Variants in TENM3 observed in about 807,000 individuals in gnomAD.
TENM3 encodes the protein teneurin-3.
A neutral mutation model predicts 255.1 loss-of-function variants in TENM3; 63 were observed. The ratio of observed to expected loss-of-function variants is 0.25; its 90% CI spans 0.20 to 0.30. TENM3 has a LOEUF of 0.30. Among genes scored for constraint, TENM3 ranks in the 10% least tolerant of loss-of-function variants. The pLI is 1.00. For missense variants in TENM3, 2,929 were observed against 3,461.1 expected (o/e 0.85, Z 3.86); for synonymous variants, 1,306 against 1,322.3 (o/e 0.99, Z 0.27).
the TENM3 span, among the ~76,000 whole-genome samples, chr4:181,894,733 GA>G: frequency 0.21 from 29,348 of 137,136 alleles, 3,820 homozygotes; most frequent in East Asian, 0.46. Context: ...GTCAGTGGCA[GA>G]AAAAAAAAAA....
chr4:181,591,339 T>A, the TENM3 span, among the ~76,000 whole-genome samples: 3 of 152,234 alleles, frequency 2.0e-5, no homozygotes, highest in African/African-American at 7.2e-5. Flanking sequence ...ATTGAAAATA[T>A]ACCAAGTCTA....
At chr4:182,775,259 G>T in intron 24 of TENM3, 106 bp downstream of exon 24, 1 of 955,758 alleles carries the variant, frequency 1.0e-6, no homozygotes, top group East Asian at 2.6e-5. Context: ...TCTACACTGA[G>T]TATGAGCACC....
the TENM3 span, among the ~76,000 whole-genome samples, chr4:182,011,610 A>G: frequency 0.19 from 28,200 of 152,206 alleles, 2,958 homozygotes; most frequent in Non-Finnish European, 0.25. Context: ...GTAGAATCCA[A>G]TCCCTGCCCA....
chr4:181,528,952 A>G, the TENM3 span, among the ~76,000 whole-genome samples: 9 of 152,338 alleles, frequency 5.9e-5, no homozygotes, highest in African/African-American at 2.2e-4. Context: ...ATATAAATAT[A>G]TGTCTATATT....
chr4:182,402,808 A>G (rs75396280), intron 3 of TENM3, among the ~76,000 whole-genome samples: 1,759 of 152,288 alleles, frequency 0.012, 14 homozygotes, highest in Non-Finnish European at 0.018. Flanking sequence ...TGTTAGCTAT[A>G]TGGTGTTGGA....
At chr4:182,186,762 C>CACATAT (rs1753177281) in intron 1 of TENM3, among the ~76,000 whole-genome samples, 6 of 27,496 alleles carry the variant, frequency 2.2e-4, no homozygotes, top group African/African-American at 7.6e-4. Context: ...ACTAATGCAT[C>CACATAT]ATATATATAT....
At chr4:181,536,860 G>C in the TENM3 span, among the ~76,000 whole-genome samples, 1,154 of 152,222 alleles carry the variant, frequency 7.6e-3, 15 homozygotes, top group African/African-American at 0.025. Context: ...TGAAAGTGTA[G>C]TATTAATTTG....
chr4:181,515,794 A>G, the TENM3 span, among the ~76,000 whole-genome samples: 1 of 152,170 alleles, frequency 6.6e-6, no homozygotes, highest in Non-Finnish European at 1.5e-5. Flanking sequence ...ATAAAGAAAG[A>G]GCTAAGATCT....
chr4:182,727,789 G>A (rs953378649), intron 13 of TENM3, among the ~76,000 whole-genome samples: 1 of 151,746 alleles, frequency 6.6e-6, no homozygotes. Context: ...GTGTATTCTA[G>A]GAGTCCAGGC....
chr4:182,035,707 A>G, the TENM3 span, among the ~76,000 whole-genome samples: 1 of 152,194 alleles, frequency 6.6e-6, no homozygotes, highest in African/African-American at 2.4e-5. Flanking sequence ...AATAGTTCCC[A>G]CTAAGCTTTC....
chr4:181,710,844 C>T, the TENM3 span, among the ~76,000 whole-genome samples: 1 of 147,964 alleles, frequency 6.8e-6, no homozygotes, highest in East Asian at 2.0e-4. Flanking sequence ...CCACCGCGCC[C>T]GGCCGAGACT....
chr4:181,676,722 A>T, the TENM3 span, among the ~76,000 whole-genome samples: 3 of 152,178 alleles, frequency 2.0e-5, no homozygotes, highest in African/African-American at 7.2e-5. Flanking sequence ...TATTTATTTG[A>T]TTACAGGTGT....
At chr4:181,686,310 C>A in the TENM3 span, among the ~76,000 whole-genome samples, 1 of 152,082 alleles carries the variant, frequency 6.6e-6, no homozygotes, top group African/African-American at 2.4e-5. Context: ...GTGATAATTC[C>A]TTGTTTCAGA....
the TENM3 span, among the ~76,000 whole-genome samples, chr4:181,577,558 C>T: frequency 6.6e-6 from 1 of 152,162 alleles, no homozygotes; most frequent in African/African-American, 2.4e-5. Context: ...CCTAGAACTC[C>T]TATGAGATAG....
At chr4:181,625,303 T>G in the TENM3 span, among the ~76,000 whole-genome samples, 3 of 152,182 alleles carry the variant, frequency 2.0e-5, no homozygotes, top group Non-Finnish European at 4.4e-5. Context: ...CAGAGATTTC[T>G]CAACAGGTTT....
At chr4:181,812,518 T>A in the TENM3 span, among the ~76,000 whole-genome samples, 1 of 152,218 alleles carries the variant, frequency 6.6e-6, no homozygotes, top group South Asian at 2.1e-4. Flanking sequence ...TGTGTATGTT[T>A]TTAAAAGCAT....
At chr4:181,675,126 AT>A in the TENM3 span, among the ~76,000 whole-genome samples, 1 of 152,194 alleles carries the variant, frequency 6.6e-6, no homozygotes, top group South Asian at 2.1e-4. Flanking sequence ...GAATCCGGGT[AT>A]ATTAGAATTG....
intron 3 of TENM3, among the ~76,000 whole-genome samples, chr4:182,399,878 C>A (rs1189755028): frequency 6.6e-6 from 1 of 151,880 alleles, no homozygotes. Flanking sequence ...CTGTTTGTAA[C>A]TATTGTAAAT....
At chr4:182,096,837 A>G in the TENM3 span, among the ~76,000 whole-genome samples, 1 of 152,202 alleles carries the variant, frequency 6.6e-6, no homozygotes, top group South Asian at 2.1e-4. Context: ...GGGAAACTCT[A>G]CAGGTTAAAC....
Sources: allele counts gnomAD v4.1 joint callset (sites outside exome capture counted in the v4.1 genomes callset), GRCh38; gene constraint gnomAD v4.1.1; transcripts MANE v1.5; gene names NCBI Gene and HGNC (gene_info 2026-07-23, HGNC 2026-07-21).